Variants in SPTLC2 observed in about 807,000 individuals in gnomAD.
The protein encoded by SPTLC2 is serine palmitoyltransferase 2.
A neutral mutation model predicts 62.0 loss-of-function variants in SPTLC2; 21 were observed. The observed-to-expected ratio is 0.34, with a 90% CI of 0.24 to 0.49. The LOEUF is 0.49. SPTLC2 is among the 20% of genes least tolerant of loss of function. The pLI is 0.99. For synonymous variants in SPTLC2, 261 were observed against 261.8 expected, an observed-to-expected ratio of 1.00 and a Z score of 0.03; for missense variants, 511 against 713.0, an observed-to-expected ratio of 0.72 and a Z score of 3.23.
chr14:77,579,107 G>C lies in SPTLC2; in HGVS notation c.330C>G (p.Asp110Glu). The change falls in exon 3 of 12, where the codon GAC becomes GAG. Residue 110 changes from aspartate to glutamate, a missense_variant and splice_region_variant. Asp to Glu is a conservative substitution (Grantham distance 45). Transcript: ENST00000216484. ...HHATEREEQK[D>E]FVSLYQDFEN... ...CAAAATCTTGATACAATGACACAAAGTCCTGCCAAGAAATGGTGACATACC... is the reference window on the plus strand; with the variant it reads ...CAAAATCTTGATACAATGACACAAACTCCTGCCAAGAAATGGTGACATACC... 6.2e-7 allele frequency: 1 copy of C among 1,613,908 alleles called. No individual in the cohort carries two copies. The highest frequency in any genetic ancestry group is 1.3e-5 in the African/African-American group (1 of 74,996).
chr14:77,556,094 A>G (rs1441103162), intron 7 of SPTLC2, among the ~76,000 whole-genome samples: 1 of 151,668 alleles, frequency 6.6e-6, no homozygotes, highest in Non-Finnish European at 1.5e-5. Flanking sequence ...GGGCTGAGGT[A>G]GGCGGATCAC....
intron 2 of SPTLC2, among the ~76,000 whole-genome samples, chr14:77,581,405 C>CTTTTTTTTTTTTT (rs1159561282): frequency 1.1e-5 from 1 of 94,008 alleles, no homozygotes; most frequent in Non-Finnish European, 2.0e-5. Flanking sequence ...TACCATCTCT[C>CTTTTTTTTTTTTT]TTTTTTTTTT....
Position 77,575,950 on chromosome 14 carries a change from G to C in SPTLC2, c.631+817C>G, listed in dbSNP as rs1406801525. 4.6e-5 allele frequency among the ~76,000 whole-genome samples: 7 copies of C among 152,176 alleles called. No homozygotes were observed. The South Asian group carries it at 1.0e-3, about 22-fold the overall frequency. ...GCTAGAAACATGGAGAGGCCACACA[G>C]AGCTCCAGCCACCGCAGCCTAGGTG... is the stretch of plus-strand genomic sequence containing the variant. On this transcript the variant is annotated intron_variant, in intron 4 of 11. Transcript: ENST00000216484.
intron 5 of SPTLC2, among the ~76,000 whole-genome samples, chr14:77,564,910 T>C (rs1325937234): frequency 3.3e-5 from 5 of 151,916 alleles, no homozygotes; most frequent in Admixed American, 6.6e-5. Flanking sequence ...TTAGTAAGTA[T>C]AGAAAGAATG....
intron 2 of SPTLC2, among the ~76,000 whole-genome samples, chr14:77,584,586 G>C (rs930608339): frequency 6.6e-6 from 1 of 152,124 alleles, no homozygotes; most frequent in Non-Finnish European, 1.5e-5. Context: ...GCAGAGCCAG[G>C]AACTGATGAT....
At chr14:77,571,476 T>G (rs2079682375) in intron 4 of SPTLC2, among the ~76,000 whole-genome samples, 1 of 140,090 alleles carries the variant, frequency 7.1e-6, no homozygotes, top group Non-Finnish European at 1.5e-5. Flanking sequence ...ACCACTGCAC[T>G]CCAGCCTAGG....
chr14:77,512,942 C>G (rs949285180), intron 11 of SPTLC2, among the ~76,000 whole-genome samples: 11 of 151,292 alleles, frequency 7.3e-5, no homozygotes, highest in African/African-American at 2.7e-4. Flanking sequence ...TCTTGAACTC[C>G]CAACCTCAAG....
At chr14:77,573,970 GT>G (rs2079699212) in intron 4 of SPTLC2, among the ~76,000 whole-genome samples, 1 of 152,182 alleles carries the variant, frequency 6.6e-6, no homozygotes, top group Admixed American at 6.5e-5. Context: ...AGACAGCCGT[GT>G]GGTGGAGTGA....
At chr14:77,556,262 G>A (rs1015797902) in intron 7 of SPTLC2, among the ~76,000 whole-genome samples, 5 of 151,932 alleles carry the variant, frequency 3.3e-5, no homozygotes, top group Non-Finnish European at 7.4e-5. Flanking sequence ...GCAGTGAGCC[G>A]ACATCCCGCC....
intron 10 of SPTLC2, 62 bp downstream of exon 10, chr14:77,521,384 C>T: frequency 6.2e-7 from 1 of 1,606,422 alleles, no homozygotes; most frequent in Non-Finnish European, 8.5e-7. Flanking sequence ...TACATAAGCC[C>T]TGGTCTCACA....
At chr14:77,560,541 G>A (rs2079608982) in intron 6 of SPTLC2, among the ~76,000 whole-genome samples, 1 of 152,076 alleles carries the variant, frequency 6.6e-6, no homozygotes. Flanking sequence ...GTTGAGCTGG[G>A]GAGGTAGAGG....
intron 2 of SPTLC2, among the ~76,000 whole-genome samples, chr14:77,594,892 G>A (rs78007539): frequency 0.034 from 5,229 of 152,172 alleles, 296 homozygotes; most frequent in African/African-American, 0.12. Flanking sequence ...AGCTACCATC[G>A]GTCATAACTG....
Position 77,509,114 on chromosome 14 carries a change from T to C in SPTLC2, c.*3170A>G, listed in dbSNP as rs185891477. On this transcript the variant is annotated 3_prime_UTR_variant, in exon 12 of 12. Coordinates refer to ENST00000216484, the MANE Select transcript of SPTLC2 (RefSeq NM_004863.4). ...AAGCAAGAATCCTGTTTTAAAATCC[T>C]TGCCCTATCATGAATGTTTACGATA... 1 of 152,328 alleles carries C rather than the reference T, an allele frequency of 6.6e-6. No homozygotes were observed. Among genetic ancestry groups the C allele is most frequent in the African/African-American group, 2.4e-5 (1 of 41,582 alleles). 9.4% of individuals were successfully genotyped at this position (152,328 alleles called of 1,614,324 possible).
intron 1 of SPTLC2, among the ~76,000 whole-genome samples, chr14:77,598,970 G>A (rs2079863178): frequency 6.6e-6 from 1 of 150,734 alleles, no homozygotes; most frequent in Non-Finnish European, 1.5e-5. Flanking sequence ...TAAAAAGAAA[G>A]TGAAACCCAA....
rs1186359446 is a variant in SPTLC2 at position 77,529,618 on chromosome 14, TTC to T, written c.1304-8039_1304-8038del. Among the ~76,000 whole-genome samples the T allele has an allele frequency of 3.3e-4, 36 of 108,560 alleles. No individual in the cohort carries two copies. The East Asian group carries it at 0.012, about 35-fold the overall frequency. The allele number at this position is 108,560 out of a possible 152,430, so 71.2% of individuals were successfully genotyped here. ...TTTTCTAGGAAAGCAATTTCTTTCT[TTC>T]TTTTTTTTTTTTTTTTTTTTTTGAG... On this transcript the variant is annotated intron_variant, in intron 9 of 11. Coordinates refer to ENST00000216484, the MANE Select transcript of SPTLC2 (RefSeq NM_004863.4).
At chr14:77,606,887 G>A (rs1379460183) in intron 1 of SPTLC2, among the ~76,000 whole-genome samples, 2 of 151,944 alleles carry the variant, frequency 1.3e-5, no homozygotes, top group Non-Finnish European at 2.9e-5. Flanking sequence ...TACTGGGGAG[G>A]CTGAGATAGG....
intron 9 of SPTLC2, among the ~76,000 whole-genome samples, chr14:77,539,101 C>T (rs1045112843): frequency 8.6e-5 from 13 of 151,642 alleles, no homozygotes; most frequent in Admixed American, 4.6e-4. Context: ...CTTAAACAAA[C>T]GGTCTTTAAA....
rs79502009 is a variant in SPTLC2 at position 77,555,609 on chromosome 14, G to A, written c.957-90C>T. The A allele has an allele frequency of 0.049, 61,299 of 1,240,246 alleles. 1,688 individuals are homozygous for A. Among genetic ancestry groups the A allele is most frequent in the Middle Eastern group, 0.1 (456 of 4,512 alleles). The allele number at this position is 1,240,246 out of a possible 1,614,324, so 76.8% of individuals were successfully genotyped here. On this transcript the variant is annotated intron_variant, in intron 7 of 11. Coordinates refer to ENST00000216484, the MANE Select transcript of SPTLC2 (RefSeq NM_004863.4). ...GAGTTTGGCACTTCATTATTATTGA[G>A]TTTACTGCTTCTTTTTTTTTTCTTG...
chr14:77,529,620 C>CTTTTTTTTTT (rs71452856), intron 9 of SPTLC2, among the ~76,000 whole-genome samples: 58 of 76,048 alleles, frequency 7.6e-4, no homozygotes, highest in Non-Finnish European at 1.1e-3. Context: ...TTCTTTCTTT[C>CTTTTTTTTTT]TTTTTTTTTT....
Sources: allele counts gnomAD v4.1 joint callset (sites outside exome capture counted in the v4.1 genomes callset), GRCh38; gene constraint gnomAD v4.1.1; transcripts MANE v1.5; gene names NCBI Gene and HGNC (gene_info 2026-07-23, HGNC 2026-07-21).